NCKAP5: variants seen among roughly 807,000 people sequenced by gnomAD.
The protein encoded by NCKAP5 is NCK associated protein 5.
A neutral mutation model predicts 167.0 loss-of-function variants in NCKAP5; 92 were observed. The ratio of observed to expected loss-of-function variants is 0.55; its 90% confidence interval spans 0.47 to 0.66. The LOEUF is 0.66. NCKAP5 is among the 30% of genes least tolerant of loss of function. The pLI is 0.00. For synonymous variants in NCKAP5, 891 were observed against 877.4 expected (o/e 1.02, Z -0.27); for missense variants, 2,378 against 2,315.0 (o/e 1.03, Z -0.56).
chr2:133,668,676 T>C, the NCKAP5 span, among the ~76,000 whole-genome samples: 1 of 150,592 alleles, frequency 6.6e-6, no homozygotes, highest in African/African-American at 2.5e-5. Flanking sequence ...TCTCTAAATA[T>C]TCTAGTTAAA....
intron 4 of NCKAP5, among the ~76,000 whole-genome samples, chr2:133,217,303 C>G (rs1425282997): frequency 6.6e-6 from 1 of 151,936 alleles, no homozygotes; most frequent in Non-Finnish European, 1.5e-5. Flanking sequence ...TGAACATGTC[C>G]GTATTAGTCC....
intron 4 of NCKAP5, among the ~76,000 whole-genome samples, chr2:133,289,155 G>A (rs1362598217): frequency 3.3e-5 from 5 of 152,142 alleles, no homozygotes; most frequent in African/African-American, 1.2e-4. Flanking sequence ...GATTGTACTG[G>A]TGTGCCATTA....
intron 5 of NCKAP5, among the ~76,000 whole-genome samples, chr2:133,179,505 A>G (rs368377954): frequency 1.3e-5 from 2 of 152,226 alleles, no homozygotes; most frequent in African/African-American, 4.8e-5. Context: ...TCAATAGATG[A>G]CAACGAGAAG....
intron 6 of NCKAP5, among the ~76,000 whole-genome samples, chr2:133,078,212 T>C (rs1419215634): frequency 6.6e-6 from 1 of 152,178 alleles, no homozygotes; most frequent in Non-Finnish European, 1.5e-5. Context: ...TGATCAGTGC[T>C]TCCCAACATT....
At chr2:133,553,907 C>T (rs1420232559) in intron 2 of NCKAP5, among the ~76,000 whole-genome samples, 2 of 152,102 alleles carry the variant, frequency 1.3e-5, no homozygotes, top group South Asian at 2.1e-4. Context: ...GTCTATGAAC[C>T]AGGAATCTGA....
At chr2:133,130,231 C>A in intron 5 of NCKAP5, 120 bp from the exon 6 acceptor site, 1 of 1,100,356 alleles carries the variant, frequency 9.1e-7, no homozygotes. Flanking sequence ...TTGAACAACC[C>A]CACGAAGTAG....
chr2:133,192,403 C>CTGGGG (rs915652216), intron 5 of NCKAP5, among the ~76,000 whole-genome samples: 1 of 151,966 alleles, frequency 6.6e-6, no homozygotes, highest in Non-Finnish European at 1.5e-5. Flanking sequence ...AAGGGAAAAC[C>CTGGGG]TGGGCATCAT....
intron 4 of NCKAP5, among the ~76,000 whole-genome samples, chr2:133,241,509 G>C (rs192847365): frequency 1.3e-5 from 2 of 152,192 alleles, no homozygotes; most frequent in Non-Finnish European, 2.9e-5. Context: ...ATGAATGCAA[G>C]TCATAGCCCT....
chr2:133,597,673 C>CAAAA, the NCKAP5 span, among the ~76,000 whole-genome samples: 97 of 61,022 alleles, frequency 1.6e-3, no homozygotes, highest in East Asian at 2.5e-3. Flanking sequence ...GACTCTGTCT[C>CAAAA]AAAAAAAAAA....
chr2:132,763,725 C>A (rs1421653445), intron 16 of NCKAP5, among the ~76,000 whole-genome samples: 1 of 152,230 alleles, frequency 6.6e-6, no homozygotes, highest in Admixed American at 6.5e-5. Flanking sequence ...TAAAGCGGGG[C>A]TCTGCACTCT....
intron 2 of NCKAP5, among the ~76,000 whole-genome samples, chr2:133,524,786 A>T (rs1431512979): frequency 6.6e-6 from 1 of 152,218 alleles, no homozygotes; most frequent in Admixed American, 6.5e-5. Context: ...TACCTACAGC[A>T]GTCTCATTTT....
chr2:133,664,563 A>C, the NCKAP5 span, among the ~76,000 whole-genome samples: 27 of 152,258 alleles, frequency 1.8e-4, no homozygotes, highest in African/African-American at 6.3e-4. Flanking sequence ...GCAGTGGTGC[A>C]ATCTCGGCTC....
At chr2:133,382,027 A>G (rs1461009312) in intron 3 of NCKAP5, among the ~76,000 whole-genome samples, 1 of 152,166 alleles carries the variant, frequency 6.6e-6, no homozygotes, top group African/African-American at 2.4e-5. Flanking sequence ...TGCAAAATCA[A>G]ACTCATGATT....
At chr2:132,816,980 T>A (rs931309135) in intron 11 of NCKAP5, among the ~76,000 whole-genome samples, 3 of 152,218 alleles carry the variant, frequency 2.0e-5, no homozygotes, top group Admixed American at 1.3e-4. Context: ...TGTCTATCTA[T>A]AATTACTAAG....
chr2:132,709,746 A>G (rs1175727946), intron 19 of NCKAP5, among the ~76,000 whole-genome samples: 1 of 152,128 alleles, frequency 6.6e-6, no homozygotes, highest in Non-Finnish European at 1.5e-5. Context: ...CTGATATATT[A>G]ACAAATTTTC....
At chr2:133,672,727 T>A in the NCKAP5 span, among the ~76,000 whole-genome samples, 1 of 151,666 alleles carries the variant, frequency 6.6e-6, no homozygotes, top group African/African-American at 2.4e-5. Context: ...TCCATAAAAC[T>A]TTATTTACAA....
At chr2:133,410,174 A>G (rs1688686415) in intron 3 of NCKAP5, among the ~76,000 whole-genome samples, 1 of 152,258 alleles carries the variant, frequency 6.6e-6, no homozygotes, top group African/African-American at 2.4e-5. Flanking sequence ...ATTTACAGCC[A>G]TGATTTAACC....
chr2:133,281,863 C>G (rs1182621586), intron 4 of NCKAP5, among the ~76,000 whole-genome samples: 1 of 152,194 alleles, frequency 6.6e-6, no homozygotes, highest in African/African-American at 2.4e-5. Context: ...ATCTTGAGAG[C>G]TGCTGGTTGC....
At chr2:133,236,070 CAAAAAA>C (rs527705526) in intron 4 of NCKAP5, among the ~76,000 whole-genome samples, 1 of 15,676 alleles carries the variant, frequency 6.4e-5, no homozygotes, top group Non-Finnish European at 1.7e-4. Context: ...TGTCTCAGAC[CAAAAAA>C]AAAAAAAAAA....
Sources: gnomAD v4.1 joint callset for allele counts (sites outside exome capture counted in the v4.1 genomes callset) on GRCh38, gnomAD v4.1.1 for gene constraint, MANE v1.5 for transcripts, NCBI Gene and HGNC (gene_info 2026-07-23, HGNC 2026-07-21) for gene names.